The following MYT1L variants were observed in gnomAD, a reference collection of about 807,000 sequenced individuals.
MYT1L encodes myelin transcription factor 1-like protein.
MYT1L carries 12 observed loss-of-function variants against 126.7 expected under a neutral mutation model. That is an observed-to-expected ratio of 0.09 (90% confidence interval 0.06 to 0.15). The LOEUF (loss-of-function observed/expected upper bound fraction) is 0.15, where lower values mean the gene tolerates loss of function less well. Among genes scored for constraint, MYT1L ranks in the 10% least tolerant of loss-of-function variants. The pLI is 1.00. For missense variants in MYT1L, 979 were observed against 1,585.2 expected (o/e 0.62, Z 6.49); for synonymous variants, 541 against 604.2 (o/e 0.90, Z 1.53).
At chr2:2,088,481 C>G (rs995576858) in intron 3 of MYT1L, among the ~76,000 whole-genome samples, 2 of 152,100 alleles carry the variant, frequency 1.3e-5, no homozygotes, top group Non-Finnish European at 2.9e-5. Flanking sequence ...ATCACTAGAG[C>G]GACCAGTGGA....
chr2:2,025,101 C>A (rs576139548), intron 4 of MYT1L, among the ~76,000 whole-genome samples: 12 of 152,318 alleles, frequency 7.9e-5, no homozygotes, highest in African/African-American at 2.9e-4. Context: ...ATTTTATAGG[C>A]AAACCCAATA....
At chr2:2,234,950 C>A (rs181712825) in intron 2 of MYT1L, among the ~76,000 whole-genome samples, 1 of 152,220 alleles carries the variant, frequency 6.6e-6, no homozygotes. Context: ...CCTTGGCCTG[C>A]GGTCCTTTCC....
At chr2:2,101,407 A>T (rs2078061443) in intron 3 of MYT1L, among the ~76,000 whole-genome samples, 1 of 152,134 alleles carries the variant, frequency 6.6e-6, no homozygotes, top group Non-Finnish European at 1.5e-5. Context: ...TTTAATAATA[A>T]AATAGCTGTG....
intron 3 of MYT1L, among the ~76,000 whole-genome samples, chr2:2,063,340 G>T (rs1213964007): frequency 6.6e-6 from 1 of 151,996 alleles, no homozygotes; most frequent in South Asian, 2.1e-4. Flanking sequence ...GGGCTTGCAC[G>T]AACATCTAGA....
intron 4 of MYT1L, among the ~76,000 whole-genome samples, chr2:2,023,583 C>T (rs556097513): frequency 3.3e-5 from 5 of 151,130 alleles, no homozygotes; most frequent in African/African-American, 1.2e-4. Context: ...AGGCAGAACT[C>T]GGAGCAGCTC....
chr2:2,084,669 C>T (rs1158517793), intron 3 of MYT1L, among the ~76,000 whole-genome samples: 1 of 152,138 alleles, frequency 6.6e-6, no homozygotes, highest in Non-Finnish European at 1.5e-5. Context: ...GGGCTGCAGC[C>T]TGTGAGAGAC....
chr2:1,922,197 G>A lies in MYT1L; in HGVS notation c.1483+89C>T. ...GTGCAGTAGAGACATAATTCAGTGTGAGTCACACTTTAACTGTAGACTACC... is the reference window on the plus strand; with the variant it reads ...GTGCAGTAGAGACATAATTCAGTGTAAGTCACACTTTAACTGTAGACTACC... On this transcript the variant is annotated intron_variant, in intron 10 of 24. Transcript: ENST00000647738. The surrounding 1 kb of genome is among the most constrained non-coding windows in gnomAD (Gnocchi z 7.4). The A allele has an allele frequency of 3.4e-6, 5 of 1,489,476 alleles. No homozygotes were observed. Among genetic ancestry groups the A allele is most frequent in the Non-Finnish European group, 4.5e-6 (5 of 1,102,158 alleles). 92.3% of individuals were successfully genotyped at this position (1,489,476 alleles called of 1,614,324 possible). A position where few individuals can be genotyped will look rare whatever the true frequency, so the allele number is the denominator to read the frequency against.
rs60682131 is a variant in MYT1L at position 2,262,939 on chromosome 2, G to GATATATATATATATATATATATATATAT, written c.-421+21464_-421+21465insATATATATATATATATATATATATATAT. Among the ~76,000 whole-genome samples the GATATATATATATATATATATATATATAT allele has an allele frequency of 3.4e-3, 173 of 51,358 alleles. 6 individuals carry two copies. Among genetic ancestry groups the GATATATATATATATATATATATATATAT allele is most frequent in the East Asian group, 0.032 (14 of 432 alleles). 33.7% of individuals were successfully genotyped at this position (51,358 alleles called of 152,430 possible). The stretch of plus-strand genomic sequence containing the variant: ...AAATATATATATATATATAACCTGT[G>GATATATATATATATATATATATATATAT]ATATATATATATATATCACAGGTAA... On this transcript the variant is annotated intron_variant, in intron 2 of 24. Coordinates refer to ENST00000647738, the MANE Select transcript of MYT1L (RefSeq NM_001303052.2).
chr2:1,992,592 A>C (rs1340117488), intron 5 of MYT1L, among the ~76,000 whole-genome samples: 1 of 152,234 alleles, frequency 6.6e-6, no homozygotes, highest in Non-Finnish European at 1.5e-5. Flanking sequence ...CCTTTGCAAA[A>C]TTATGACTGA....
intron 3 of MYT1L, among the ~76,000 whole-genome samples, chr2:2,091,222 C>T (rs1306978170): frequency 6.6e-6 from 1 of 152,160 alleles, no homozygotes; most frequent in Non-Finnish European, 1.5e-5. Context: ...AATAATAAGA[C>T]TTGACAATTG....
intron 19 of MYT1L, among the ~76,000 whole-genome samples, chr2:1,843,192 A>G (rs2042045780): frequency 6.6e-6 from 1 of 152,234 alleles, no homozygotes; most frequent in African/African-American, 2.4e-5. Context: ...GCATCCTGCA[A>G]GAAGCCTGGG....
At position 1,903,801 on chromosome 2, in the gene MYT1L, TG is replaced by T. The variant is rs539010591; in HGVS notation, c.1818-508del. On this transcript the variant is annotated intron_variant, in intron 13 of 24. Transcript: ENST00000647738. ...GACAATGAGGTAGGCTAGGTGGTAA[TG>T]TACCTTGTCAAGTACTAGAATATGC... Among the ~76,000 whole-genome samples, 25 of 152,334 alleles carry T rather than the reference TG, an allele frequency of 1.6e-4. No homozygotes were observed. In the South Asian group the frequency reaches 5.0e-3, roughly 30 times the overall value.
At chr2:1,957,347 G>A (rs2058576015) in intron 8 of MYT1L, among the ~76,000 whole-genome samples, 3 of 151,948 alleles carry the variant, frequency 2.0e-5, no homozygotes. Flanking sequence ...CTGATTTCTG[G>A]GATTTTAGTG....
intron 3 of MYT1L, among the ~76,000 whole-genome samples, chr2:2,089,348 A>C (rs2076674493): frequency 6.6e-6 from 1 of 152,222 alleles, no homozygotes; most frequent in Non-Finnish European, 1.5e-5. Flanking sequence ...TTGCTATTGT[A>C]CCGAAAACTG....
At chr2:2,189,404 C>T (rs1297246236) in intron 2 of MYT1L, among the ~76,000 whole-genome samples, 1 of 152,206 alleles carries the variant, frequency 6.6e-6, no homozygotes, top group Non-Finnish European at 1.5e-5. Flanking sequence ...GCCAAAACAA[C>T]TTATGCAATA....
intron 5 of MYT1L, among the ~76,000 whole-genome samples, chr2:1,987,091 G>C (rs2061090207): frequency 6.6e-6 from 1 of 152,144 alleles, no homozygotes; most frequent in African/African-American, 2.4e-5. Context: ...TTCTAAACTT[G>C]AATGTGTTTC....
chr2:2,263,364 TGCAC>T (rs1418608574), intron 2 of MYT1L, among the ~76,000 whole-genome samples: 1 of 152,044 alleles, frequency 6.6e-6, no homozygotes, highest in African/African-American at 2.4e-5. Flanking sequence ...CAAGGGGTGC[TGCAC>T]ATATGCAAAA....
intron 4 of MYT1L, among the ~76,000 whole-genome samples, chr2:2,023,536 G>C (rs1230120545): frequency 6.6e-6 from 1 of 152,140 alleles, no homozygotes; most frequent in Non-Finnish European, 1.5e-5. Flanking sequence ...GGTGTGGACG[G>C]GAAGCTCCCA....
chr2:2,021,727 C>T (rs1475417169), intron 4 of MYT1L, among the ~76,000 whole-genome samples: 3 of 152,142 alleles, frequency 2.0e-5, no homozygotes, highest in African/African-American at 7.2e-5. Context: ...GAAACTCCGT[C>T]TCTACTAAAA....
Sources: gnomAD v4.1 joint callset for allele counts (sites outside exome capture counted in the v4.1 genomes callset) on GRCh38, gnomAD v4.1.1 for gene constraint, Gnocchi (gnomAD v3.1) non-coding constraint, MANE v1.5 for transcripts, NCBI Gene and HGNC (gene_info 2026-07-23, HGNC 2026-07-21) for gene names.